Variants in PLD5 observed in about 807,000 individuals in gnomAD.
PLD5 encodes inactive phospholipase D5.
PLD5 carries 36 observed loss-of-function variants against 61.1 expected under a neutral mutation model. The observed-to-expected ratio is 0.59, with a 90% CI of 0.45 to 0.78. The LOEUF is 0.78. PLD5 is among the 30% of genes least tolerant of loss of function. The pLI, the probability that PLD5 is intolerant of heterozygous loss-of-function variation, is 0.00. For missense variants in PLD5, 515 were observed against 644.4 expected (o/e 0.80, Z 2.17); for synonymous variants, 243 against 242.8 (o/e 1.00, Z -0.01).
intron 1 of PLD5, among the ~76,000 whole-genome samples, chr1:242,404,220 G>A (rs757081447): frequency 7.9e-5 from 12 of 152,114 alleles, no homozygotes; most frequent in Non-Finnish European, 1.8e-4. Flanking sequence ...AATAAAACAG[G>A]GGGACCTAAA....
upstream of PLD5, among the ~76,000 whole-genome samples, chr1:242,526,981 A>G (rs377015429): frequency 5.9e-5 from 9 of 152,276 alleles, no homozygotes; most frequent in East Asian, 1.7e-3. Flanking sequence ...GTAATAATGA[A>G]CTGTTCTACC....
At chr1:242,482,876 A>G (rs977850792) in intron 1 of PLD5, among the ~76,000 whole-genome samples, 1 of 152,266 alleles carries the variant, frequency 6.6e-6, no homozygotes, top group East Asian at 1.9e-4. Flanking sequence ...GAAACTCTAC[A>G]AGCCAGAAGA....
At chr1:242,421,872 A>G (rs1480843411) in intron 1 of PLD5, among the ~76,000 whole-genome samples, 2 of 152,204 alleles carry the variant, frequency 1.3e-5, no homozygotes, top group African/African-American at 4.8e-5. Flanking sequence ...TGAAATGCAA[A>G]TATCCTTCTC....
intron 1 of PLD5, among the ~76,000 whole-genome samples, chr1:242,500,166 C>T (rs1279514389): frequency 6.6e-6 from 1 of 152,252 alleles, no homozygotes; most frequent in Non-Finnish European, 1.5e-5. Flanking sequence ...GTCATAGGGC[C>T]AGCCAGTTTC....
At chr1:242,351,338 G>A (rs1660466417) in intron 1 of PLD5, among the ~76,000 whole-genome samples, 1 of 152,122 alleles carries the variant, frequency 6.6e-6, no homozygotes, top group African/African-American at 2.4e-5. Context: ...ATATAATATG[G>A]TTTGACTGTG....
chr1:242,361,371 C>T (rs574512722), intron 1 of PLD5, among the ~76,000 whole-genome samples: 16 of 152,192 alleles, frequency 1.1e-4, no homozygotes, highest in Admixed American at 3.3e-4. Flanking sequence ...TGAAAGCTTA[C>T]GTTCAAATGA....
intron 5 of PLD5, among the ~76,000 whole-genome samples, chr1:242,143,374 G>A (rs1664318015): frequency 6.6e-6 from 1 of 152,108 alleles, no homozygotes; most frequent in African/African-American, 2.4e-5. Flanking sequence ...TTTCTAAGGA[G>A]AGAGTCCATA....
intron 7 of PLD5, among the ~76,000 whole-genome samples, chr1:242,113,134 G>T: frequency 7.3e-6 from 1 of 136,494 alleles, no homozygotes. Context: ...CTGTCGCCCA[G>T]GCTGGAGTGC....
chr1:242,135,183 A>C (rs543234442), intron 5 of PLD5, among the ~76,000 whole-genome samples: 1 of 152,340 alleles, frequency 6.6e-6, no homozygotes, highest in African/African-American at 2.4e-5. Flanking sequence ...ATATATATGC[A>C]TACGTACATA....
At chr1:242,477,378 C>T (rs1334958363) in intron 1 of PLD5, among the ~76,000 whole-genome samples, 1 of 152,162 alleles carries the variant, frequency 6.6e-6, no homozygotes, top group Non-Finnish European at 1.5e-5. Flanking sequence ...GTCACAGAAA[C>T]AGCAGGATAG....
chr1:242,290,222 TAAAG>T (rs1675276334), intron 2 of PLD5, among the ~76,000 whole-genome samples: 1 of 112,496 alleles, frequency 8.9e-6, no homozygotes, highest in African/African-American at 3.2e-5. Flanking sequence ...ACACATCACT[TAAAG>T]AATCACTGGA....
At chr1:242,172,669 A>C (rs1196627061) in intron 5 of PLD5, among the ~76,000 whole-genome samples, 1 of 152,208 alleles carries the variant, frequency 6.6e-6, no homozygotes, top group Non-Finnish European at 1.5e-5. Context: ...AGAATCAAAT[A>C]GACACAAGAA....
At chr1:242,176,516 A>G (rs1407811043) in intron 5 of PLD5, among the ~76,000 whole-genome samples, 2 of 152,226 alleles carry the variant, frequency 1.3e-5, no homozygotes, top group Non-Finnish European at 2.9e-5. Flanking sequence ...CATTCAGGAC[A>G]TAGGTATGGG....
chr1:242,167,067 CAATAATAATAGT>C (rs1162923535), intron 5 of PLD5, among the ~76,000 whole-genome samples: 610 of 55,222 alleles, frequency 0.011, 4 homozygotes, highest in South Asian at 0.043. Context: ...GAGTGAGAGA[CAATAATAATAGT>C]AATAATAATA....
chr1:242,391,852 AT>A (rs1269522701), intron 1 of PLD5, among the ~76,000 whole-genome samples: 2 of 152,184 alleles, frequency 1.3e-5, no homozygotes, highest in Non-Finnish European at 2.9e-5. Flanking sequence ...AAAGGCAGAG[AT>A]TTCTCAAAGA....
rs1345291269 is a variant in PLD5 at position 242,207,810 on chromosome 1, TTATATTTA to T, written c.735+12170_735+12177del. 8.0e-5 allele frequency among the ~76,000 whole-genome samples: 3 copies of T among 37,564 alleles called. 1 individual carries two copies. The highest frequency in any genetic ancestry group is 1.4e-3 in the East Asian group (2 of 1,394). 24.6% of individuals were successfully genotyped at this position (37,564 alleles called of 152,430 possible). On this transcript the variant is annotated intron_variant, in intron 5 of 9. Transcript: ENST00000536534. Reference sequence around the variant, plus strand: ...TATATTTATATATATTTATATATATTTATATTTATATATTTATATATATTTATATATTT... The same window carrying T: ...TATATTTATATATATTTATATATATTTATATTTATATATATTTATATATTT...
chr1:242,219,632 A>G (rs1176668377), intron 5 of PLD5, among the ~76,000 whole-genome samples: 1 of 152,194 alleles, frequency 6.6e-6, no homozygotes, highest in African/African-American at 2.4e-5. Context: ...CCTAAGACAT[A>G]TTACTCTCTA....
chr1:242,218,748 T>C, intron 5 of PLD5, among the ~76,000 whole-genome samples: 1 of 152,232 alleles, frequency 6.6e-6, no homozygotes, highest in African/African-American at 2.4e-5. Context: ...TTTAGAGCTA[T>C]ATGGCTTGGG....
intron 1 of PLD5, among the ~76,000 whole-genome samples, chr1:242,353,279 T>C (rs1001301744): frequency 6.6e-6 from 1 of 152,154 alleles, no homozygotes; most frequent in Non-Finnish European, 1.5e-5. Context: ...GACAGTGCTC[T>C]TTTTCCATTG....
Sources: allele counts gnomAD v4.1 joint callset (sites outside exome capture counted in the v4.1 genomes callset), GRCh38; gene constraint gnomAD v4.1.1; transcripts MANE v1.5; gene names NCBI Gene and HGNC (gene_info 2026-07-23, HGNC 2026-07-21).